The following CREG2 variants were observed in gnomAD, a reference collection of about 807,000 sequenced individuals.
CREG2 encodes the protein cellular repressor of E1A stimulated genes 2.
CREG2 carries 24 observed loss-of-function variants against 26.2 expected under a neutral mutation model. That is an observed-to-expected ratio of 0.92 (90% confidence interval 0.66 to 1.29). The LOEUF is 1.29. Among genes scored for constraint, CREG2 ranks in the 50% most tolerant of loss-of-function variants. CREG2 has a pLI of 0.00. For synonymous variants in CREG2, 174 were observed against 169.2 expected, an observed-to-expected ratio of 1.03 and a Z score of -0.22; for missense variants, 366 against 398.6, an observed-to-expected ratio of 0.92 and a Z score of 0.70.
chr2:101,356,166 A>G (rs1215264032), intron 2 of CREG2, among the ~76,000 whole-genome samples: 1 of 152,140 alleles, frequency 6.6e-6, no homozygotes, highest in Non-Finnish European at 1.5e-5. Flanking sequence ...AGCTGCATCT[A>G]TCCATCCTCT....
At chr2:101,383,263 A>C (rs1401532155) in intron 2 of CREG2, among the ~76,000 whole-genome samples, 2 of 152,168 alleles carry the variant, frequency 1.3e-5, no homozygotes, top group African/African-American at 4.8e-5. Context: ...TTTTACACCT[A>C]TTTCCAGCAC....
At chr2:101,386,125 A>G (rs1684963460) in intron 1 of CREG2, among the ~76,000 whole-genome samples, 1 of 152,262 alleles carries the variant, frequency 6.6e-6, no homozygotes, top group African/African-American at 2.4e-5. Context: ...TTTTTAAGCA[A>G]AAAAGGACCT....
At chr2:101,370,354 C>A (rs1237122554) in intron 2 of CREG2, among the ~76,000 whole-genome samples, 2 of 152,156 alleles carry the variant, frequency 1.3e-5, no homozygotes, top group Non-Finnish European at 2.9e-5. Flanking sequence ...CTGTTACTGA[C>A]CATAGCTACC....
chr2:101,353,762 C>T (rs1020510629), intron 3 of CREG2, among the ~76,000 whole-genome samples: 2 of 152,178 alleles, frequency 1.3e-5, no homozygotes, highest in African/African-American at 4.8e-5. Context: ...GGCACATATA[C>T]ACCATGGAAT....
At chr2:101,359,380 C>A (rs964463608) in intron 2 of CREG2, among the ~76,000 whole-genome samples, 3 of 152,186 alleles carry the variant, frequency 2.0e-5, no homozygotes, top group Admixed American at 6.5e-5. Context: ...GATGTTCTTC[C>A]TTTACCAGTC....
intron 2 of CREG2, among the ~76,000 whole-genome samples, chr2:101,379,077 C>T (rs1684833651): frequency 6.6e-6 from 1 of 152,118 alleles, no homozygotes; most frequent in Non-Finnish European, 1.5e-5. Flanking sequence ...TCACATTCTA[C>T]TTATCATCCA....
At position 101,387,010 on chromosome 2, in the gene CREG2, C is replaced by G; in HGVS notation, c.441+7G>C. 1 of 1,232,550 alleles carries G rather than the reference C, an allele frequency of 8.1e-7. No individual in the cohort carries two copies. The highest frequency in any genetic ancestry group is 1.6e-5 in the African/African-American group (1 of 64,446). 76.4% of individuals were successfully genotyped at this position (1,232,550 alleles called of 1,614,324 possible). A position where few individuals can be genotyped will look rare whatever the true frequency, so the allele number is the denominator to read the frequency against. On this transcript the variant is annotated splice_region_variant and intron_variant, in intron 1 of 3. Coordinates refer to ENST00000324768, the MANE Select transcript of CREG2 (RefSeq NM_153836.4). This position sits in a 1 kb window ranked among gnomAD's most constrained non-coding sequence, Gnocchi z 4.7. ...AGGCCCCCTCGCGCTCCCCGCCGGG[C>G]GCTCACCTTCTTGTGGGTGGACACG... is the stretch of plus-strand genomic sequence containing the variant.
chr2:101,375,926 A>AG, intron 2 of CREG2: 1 of 163,292 alleles, frequency 6.1e-6, no homozygotes, highest in Admixed American at 6.1e-5. Context: ...ACTGTGTTCA[A>AG]GGGGGTGGAT....
intron 1 of CREG2, among the ~76,000 whole-genome samples, chr2:101,386,058 G>A (rs961720379): frequency 6.6e-6 from 1 of 152,208 alleles, no homozygotes; most frequent in South Asian, 2.1e-4. Flanking sequence ...ATCTGCATTT[G>A]ACACTGAAGA....
chr2:101,378,269 G>A (rs7584951), intron 2 of CREG2, among the ~76,000 whole-genome samples: 26,613 of 152,160 alleles, frequency 0.17, 2,688 homozygotes, highest in African/African-American at 0.28. Flanking sequence ...AATGACTTAA[G>A]CCATCCTGGG....
chr2:101,380,548 C>T (rs977090775), intron 2 of CREG2, among the ~76,000 whole-genome samples: 7 of 152,238 alleles, frequency 4.6e-5, no homozygotes, highest in Admixed American at 3.9e-4. Context: ...CTGGCTTTGT[C>T]TTCCCCCTTG....
intron 2 of CREG2, among the ~76,000 whole-genome samples, chr2:101,377,233 A>G (rs577871308): frequency 8.6e-4 from 131 of 152,328 alleles, no homozygotes; most frequent in Middle Eastern, 3.4e-3. Flanking sequence ...GTTGTATAAC[A>G]AAAATGTATT....
At chr2:101,362,131 T>C (rs1440385552) in intron 2 of CREG2, among the ~76,000 whole-genome samples, 3 of 152,172 alleles carry the variant, frequency 2.0e-5, no homozygotes, top group African/African-American at 7.2e-5. Context: ...CTCAAGGAGC[T>C]GCTTGCTGAG....
rs1197914273 is a variant in CREG2 at position 101,359,056 on chromosome 2, AAAAAAAAAAAAAAAAAG to A, written c.612-3707_612-3691del. Among the ~76,000 whole-genome samples the A allele has an allele frequency of 5.3e-3, 91 of 17,316 alleles. 26 individuals carry two copies. The highest frequency in any genetic ancestry group is 0.056 in the Middle Eastern group (1 of 18). The allele number at this position is 17,316 out of a possible 152,430, so 11.4% of individuals were successfully genotyped here. The stretch of plus-strand genomic sequence containing the variant: ...TCTCAAAAAAAAAAAAAAAAAAAAA[AAAAAAAAAAAAAAAAAG>A]AGAGAACTGAGGCAAGTTTTAGAGC... On this transcript the variant is annotated intron_variant, in intron 2 of 3. Coordinates refer to ENST00000324768, the MANE Select transcript of CREG2 (RefSeq NM_153836.4).
chr2:101,357,848 C>A (rs1322113065), intron 2 of CREG2, among the ~76,000 whole-genome samples: 3 of 151,568 alleles, frequency 2.0e-5, no homozygotes, highest in African/African-American at 7.3e-5. Flanking sequence ...AAGTAGAAAG[C>A]TAGGCTACCT....
Position 101,377,454 on chromosome 2 carries a change from A to G in CREG2, c.611+6079T>C, listed in dbSNP as rs546390408. 3.3e-5 allele frequency among the ~76,000 whole-genome samples: 5 copies of G among 152,328 alleles called. No individual in the cohort carries two copies. The East Asian group carries it at 9.6e-4, about 29-fold the overall frequency. ...GCGAACCTAAAACTCATGCTATTCA[A>G]GGCTGCATGCTCTGTAAGGGAAGAT... On this transcript the variant is annotated intron_variant, in intron 2 of 3. Transcript: ENST00000324768.
intron 2 of CREG2, among the ~76,000 whole-genome samples, chr2:101,356,753 A>G (rs915786695): frequency 1.3e-5 from 2 of 152,168 alleles, no homozygotes; most frequent in Non-Finnish European, 2.9e-5. Context: ...CAAAAAGCAT[A>G]TTAGAAATAA....
At chr2:101,351,570 G>A (rs768902556) in intron 3 of CREG2, among the ~76,000 whole-genome samples, 133 of 152,180 alleles carry the variant, frequency 8.7e-4, no homozygotes, top group African/African-American at 2.5e-3. Flanking sequence ...TGTGAAACCA[G>A]TTCGTTCATG....
chr2:101,376,913 G>A (rs918668785), intron 2 of CREG2, among the ~76,000 whole-genome samples: 3 of 152,154 alleles, frequency 2.0e-5, no homozygotes, highest in African/African-American at 7.2e-5. Flanking sequence ...CTAGACTAGG[G>A]AAACTGTAAA....
Sources: gnomAD v4.1 joint callset for allele counts (sites outside exome capture counted in the v4.1 genomes callset) on GRCh38, gnomAD v4.1.1 for gene constraint, Gnocchi (gnomAD v3.1) non-coding constraint, MANE v1.5 for transcripts, NCBI Gene and HGNC (gene_info 2026-07-23, HGNC 2026-07-21) for gene names.